Variants in CDK13 observed in about 807,000 individuals in gnomAD.
CDK13 encodes the protein cyclin-dependent kinase 13.
Under a neutral mutation model 137.6 loss-of-function variants are expected in CDK13, and 40 were observed. The observed-to-expected ratio is 0.29, with a 90% CI of 0.23 to 0.38. CDK13 has a LOEUF of 0.38. Ranked by LOEUF, CDK13 falls within the 10% of genes least tolerant of loss-of-function variation. The probability of loss-of-function intolerance (pLI) is 1.00; values close to 1 mark genes in which losing one functional copy is unlikely to be tolerated. For missense variants in CDK13, 1,704 were observed against 1,951.8 expected, an observed-to-expected ratio of 0.87 and a Z score of 2.39; for synonymous variants, 869 against 760.1, an observed-to-expected ratio of 1.14 and a Z score of -2.36.
intron 1 of CDK13, among the ~76,000 whole-genome samples, chr7:39,965,922 C>G (rs1729020175): frequency 6.6e-6 from 1 of 152,190 alleles, no homozygotes; most frequent in African/African-American, 2.4e-5. Context: ...AAATTCTTTT[C>G]TTTAAGAATG....
chr7:40,080,216 G>T (rs1393752643), intron 11 of CDK13, among the ~76,000 whole-genome samples: 1 of 152,090 alleles, frequency 6.6e-6, no homozygotes, highest in Non-Finnish European at 1.5e-5. Flanking sequence ...TTGAACTCTT[G>T]ACCTCAGGTG....
Position 39,999,500 on chromosome 7 carries a change from G to T in CDK13, c.2182G>T (p.Gly728Ter). 1 of 1,597,062 alleles carries T rather than the reference G, an allele frequency of 6.3e-7. No individual in the cohort carries two copies. The highest frequency in any genetic ancestry group is 1.3e-5 in the African/African-American group (1 of 74,260). ...TTACAAAGCCAGGGATAAAGACACT[G>T]GTAAGAATGCCAAGTTCTGGGGATC... is the stretch of plus-strand genomic sequence containing the variant. ...QVYKARDKDT[G>*]EMVALKKVRL... Residue 728 changes from glycine to a stop codon, truncating the protein, a stop_gained and splice_region_variant, in exon 4 of 14, where the codon GGA becomes TGA. Coordinates refer to ENST00000181839, the MANE Select transcript of CDK13 (RefSeq NM_003718.5). LOFTEE classifies it high-confidence loss of function.
Position 40,024,742 on chromosome 7 carries a change from C to T in CDK13, c.2354-21094C>T, listed in dbSNP as rs189655341. 5.2e-4 allele frequency among the ~76,000 whole-genome samples: 77 copies of T among 146,914 alleles called. 1 individual carries two copies. In the East Asian group the frequency reaches 0.015, roughly 29 times the overall value. On this transcript the variant is annotated intron_variant, in intron 5 of 13. Coordinates refer to ENST00000181839, the MANE Select transcript of CDK13 (RefSeq NM_003718.5). ...GCAGTGGCATGATCTCTGCTCACTG[C>T]AGCCTCCGCCTCCCGGGTTCGAGCG...
In CDK13 at chr7:40,003,198, A is replaced by G. The variant is rs796773548; in HGVS notation, c.2353+1167A>G. Among the ~76,000 whole-genome samples, 3 of 89,418 alleles carry G rather than the reference A, an allele frequency of 3.4e-5. 1 individual carries two copies. Among genetic ancestry groups the G allele is most frequent in the Admixed American group, 2.4e-4 (2 of 8,294 alleles). The allele number at this position is 89,418 out of a possible 152,430, so 58.7% of individuals were successfully genotyped here. A position where few individuals can be genotyped will look rare whatever the true frequency, so the allele number is the denominator to read the frequency against. On this transcript the variant is annotated intron_variant, in intron 5 of 13. Transcript: ENST00000181839. Reference sequence around the variant, plus strand: ...CACACACACACACACACACACACACACACACACACTCTCTCTCTCTCTCTC... The same window carrying G: ...CACACACACACACACACACACACACGCACACACACTCTCTCTCTCTCTCTC...
chr7:39,972,311 A>G (rs754810809), intron 1 of CDK13, among the ~76,000 whole-genome samples: 1 of 152,270 alleles, frequency 6.6e-6, no homozygotes, highest in Non-Finnish European at 1.5e-5. Context: ...TAGTTTTAAA[A>G]ATAACATGTT....
In CDK13 at chr7:39,951,616, C is replaced by T. The variant is rs2116068642; in HGVS notation, c.975C>T (p.Ser325=). The change falls in exon 1 of 14, where the codon AGC becomes AGT. Residue 325 remains serine (S), a synonymous_variant. Transcript: ENST00000181839. ...SLSPLGGRDD[S]PVSHRASQSL... ...GCCCACTGGGAGGCCGGGACGACAGCCCGGTGTCCCACAGGGCCTCTCAGA... is the reference window on the plus strand; with the variant it reads ...GCCCACTGGGAGGCCGGGACGACAGTCCGGTGTCCCACAGGGCCTCTCAGA... The T allele has an allele frequency of 1.3e-6, 2 of 1,483,294 alleles. No homozygotes were observed. Among genetic ancestry groups the T allele is most frequent in the Middle Eastern group, 2.4e-4 (1 of 4,106 alleles). 91.9% of individuals were successfully genotyped at this position (1,483,294 alleles called of 1,614,324 possible).
intron 5 of CDK13, among the ~76,000 whole-genome samples, chr7:40,005,275 A>G (rs893678158): frequency 9.6e-5 from 13 of 135,744 alleles, no homozygotes; most frequent in Admixed American, 6.8e-4. Context: ...AATTTCAATT[A>G]ATTATTTAAA....
At chr7:40,036,269 T>G (rs149967264) in intron 5 of CDK13, among the ~76,000 whole-genome samples, 67 of 152,308 alleles carry the variant, frequency 4.4e-4, no homozygotes, top group African/African-American at 1.4e-3. Context: ...CTTAATTCAA[T>G]TTAATAATTT....
chr7:40,086,259 C>G (rs1183899595), intron 11 of CDK13, among the ~76,000 whole-genome samples: 1 of 152,110 alleles, frequency 6.6e-6, no homozygotes, highest in African/African-American at 2.4e-5. Flanking sequence ...AAAGCTCAGT[C>G]TTAGGAAAGC....
chr7:39,992,163 G>GGTGT (rs140203379), intron 2 of CDK13, among the ~76,000 whole-genome samples: 1,578 of 146,370 alleles, frequency 0.011, 15 homozygotes, highest in African/African-American at 0.025. Context: ...AACTAATGAG[G>GGTGT]GTGTGTGTGT....
Position 40,060,452 on chromosome 7 carries a change from T to C in CDK13, c.2601-2374T>C, listed in dbSNP as rs141811303. Among the ~76,000 whole-genome samples, 14 of 152,270 alleles carry C rather than the reference T, an allele frequency of 9.2e-5. No homozygotes were observed. In the East Asian group the frequency reaches 2.1e-3, roughly 23 times the overall value. On this transcript the variant is annotated intron_variant, in intron 7 of 13. Coordinates refer to ENST00000181839, the MANE Select transcript of CDK13 (RefSeq NM_003718.5). Reference sequence around the variant, plus strand: ...TGTTTGAGAAACTAGTTGTCATAATTTTTACAAATTTTGTTCTTCCACCCA... The same window carrying C: ...TGTTTGAGAAACTAGTTGTCATAATCTTTACAAATTTTGTTCTTCCACCCA...
intron 11 of CDK13, among the ~76,000 whole-genome samples, chr7:40,084,074 G>A (rs1376997074): frequency 1.3e-5 from 2 of 152,326 alleles, no homozygotes; most frequent in Non-Finnish European, 2.9e-5. Context: ...CACGGTGGCA[G>A]TGGCTCATGC....
intron 4 of CDK13, 67 bp from the exon 5 acceptor site, chr7:40,001,794 T>G: frequency 1.0e-6 from 1 of 994,658 alleles, no homozygotes; most frequent in Non-Finnish European, 1.6e-6. Context: ...AAAATACATT[T>G]AAAGTTAAGA....
At chr7:40,028,980 T>TA (rs1785306331) in intron 5 of CDK13, among the ~76,000 whole-genome samples, 1 of 151,984 alleles carries the variant, frequency 6.6e-6, no homozygotes, top group Non-Finnish European at 1.5e-5. Context: ...ATATATTAGA[T>TA]ATATGGTTGA....
chr7:39,951,827 C>A lies in CDK13; in HGVS notation c.1186C>A (p.Arg396Ser). Residue 396 changes from arginine to serine, a missense_variant, in exon 1 of 14, where the codon CGC becomes AGC. Transcript: ENST00000181839. ...PYSSSSWRRSRSPYSPVLRRS... is the reference protein window; with the variant it reads ...PYSSSSWRRSSSPYSPVLRRS... ...CAGCAGCAGCAGCTGGCGCCGCTCT[C>A]GCAGTCCCTACAGCCCTGTGCTCAG... The A allele has an allele frequency of 6.9e-7, 1 of 1,456,262 alleles. No individual in the cohort carries two copies. Among genetic ancestry groups the A allele is most frequent in the Non-Finnish European group, 9.0e-7 (1 of 1,113,708 alleles). The allele number at this position is 1,456,262 out of a possible 1,614,324, so 90.2% of individuals were successfully genotyped here.
At chr7:40,031,386 G>T (rs1785375272) in intron 5 of CDK13, among the ~76,000 whole-genome samples, 1 of 152,072 alleles carries the variant, frequency 6.6e-6, no homozygotes, top group Non-Finnish European at 1.5e-5. Flanking sequence ...ACTTGACGTG[G>T]TGGCACGTGC....
At chr7:40,034,733 T>C (rs1335568746) in intron 5 of CDK13, among the ~76,000 whole-genome samples, 5 of 152,232 alleles carry the variant, frequency 3.3e-5, no homozygotes, top group Non-Finnish European at 7.3e-5. Context: ...GTCTGATTAC[T>C]TTGCCCAAAC....
chr7:40,046,916 C>T (rs1006748967), intron 6 of CDK13, among the ~76,000 whole-genome samples: 1 of 145,862 alleles, frequency 6.9e-6, no homozygotes, highest in Non-Finnish European at 1.5e-5. Flanking sequence ...GAACGAGAAT[C>T]GCTTGAATCC....
intron 1 of CDK13, among the ~76,000 whole-genome samples, chr7:39,976,323 T>TCTCTTTCTCTCTCACA: frequency 2.5e-5 from 1 of 39,548 alleles, no homozygotes; most frequent in South Asian, 1.2e-3. Context: ...TCTCTCTCTC[T>TCTCTTTCTCTCTCACA]CACACACACA....
Sources: allele counts gnomAD v4.1 joint callset (sites outside exome capture counted in the v4.1 genomes callset), GRCh38; gene constraint gnomAD v4.1.1; transcripts MANE v1.5; gene names NCBI Gene and HGNC (gene_info 2026-07-23, HGNC 2026-07-21).